The following SARNP variants were observed in gnomAD, a reference collection of about 807,000 sequenced individuals.
The protein encoded by SARNP is SAP domain containing ribonucleoprotein.
Under a neutral mutation model 38.1 loss-of-function variants are expected in SARNP, and 5 were observed. The observed-to-expected ratio is 0.13, with a 90% CI of 0.07 to 0.28. The LOEUF (loss-of-function observed/expected upper bound fraction) is 0.28. Among genes scored for constraint, SARNP ranks in the 10% least tolerant of loss-of-function variants. The pLI is 1.00. For missense variants in SARNP, 180 were observed against 243.9 expected (o/e 0.74, Z 1.75); for synonymous variants, 84 against 80.6 (o/e 1.04, Z -0.23).
At chr12:55,775,987 C>T (rs1057384844) in intron 9 of SARNP, among the ~76,000 whole-genome samples, 1 of 152,110 alleles carries the variant, frequency 6.6e-6, no homozygotes, top group Non-Finnish European at 1.5e-5. Flanking sequence ...TAATCACATA[C>T]ACATATACCA....
intron 9 of SARNP, among the ~76,000 whole-genome samples, chr12:55,773,928 G>A (rs892037828): frequency 2.6e-5 from 4 of 151,990 alleles, no homozygotes; most frequent in Admixed American, 6.6e-5. Context: ...GGCTGGTCCC[G>A]AACTCCTGAC....
intron 1 of SARNP, 66 bp downstream of exon 1, chr12:55,817,600 G>C (rs1880535997): frequency 6.8e-7 from 1 of 1,478,266 alleles, no homozygotes; most frequent in African/African-American, 1.4e-5. Context: ...AGGAGAAGGC[G>C]CAAGCTACCC....
At chr12:55,773,201 A>G (rs915770955) in intron 9 of SARNP, among the ~76,000 whole-genome samples, 1 of 152,230 alleles carries the variant, frequency 6.6e-6, no homozygotes, top group African/African-American at 2.4e-5. Context: ...GTATCTCAAA[A>G]GGGAAGGCCT....
intron 1 of SARNP, among the ~76,000 whole-genome samples, chr12:55,815,258 C>A (rs1880448036): frequency 6.6e-6 from 1 of 152,090 alleles, no homozygotes; most frequent in Non-Finnish European, 1.5e-5. Flanking sequence ...CAGGGTCTCA[C>A]TATGTTACCT....
chr12:55,787,412 C>T (rs904031877), intron 9 of SARNP, among the ~76,000 whole-genome samples: 8 of 152,010 alleles, frequency 5.3e-5, no homozygotes, highest in African/African-American at 1.7e-4. Flanking sequence ...GAGAGCTAAA[C>T]GCTTTCATGC....
intron 7 of SARNP, chr12:55,793,802 C>A (rs1318486151): frequency 1.3e-5 from 2 of 152,374 alleles, no homozygotes; most frequent in Non-Finnish European, 2.9e-5. Flanking sequence ...TGATAAATAT[C>A]TTTCAATATT....
intron 4 of SARNP, among the ~76,000 whole-genome samples, chr12:55,798,879 T>C (rs1297834464): frequency 6.6e-6 from 1 of 152,212 alleles, no homozygotes; most frequent in African/African-American, 2.4e-5. Flanking sequence ...CCTAGGATAA[T>C]TATCCTGACT....
At chr12:55,780,369 G>C (rs1193626026) in intron 9 of SARNP, among the ~76,000 whole-genome samples, 1 of 151,728 alleles carries the variant, frequency 6.6e-6, no homozygotes, top group East Asian at 1.9e-4. Flanking sequence ...CAGGAGAATT[G>C]CTTGAACCTG....
At chr12:55,794,507 G>T in intron 6 of SARNP, 120 bp from the exon 7 acceptor site, 1 of 891,344 alleles carries the variant, frequency 1.1e-6, no homozygotes, top group Non-Finnish European at 1.8e-6. Context: ...GCAATCATTA[G>T]CTAATTCTAA....
intron 9 of SARNP, among the ~76,000 whole-genome samples, chr12:55,769,019 A>G (rs1161553448): frequency 6.6e-6 from 1 of 152,150 alleles, no homozygotes; most frequent in Admixed American, 6.5e-5. Context: ...GCCAGGCCAA[A>G]CTATCTTCTC....
At chr12:55,794,429 C>T (rs1029694912) in intron 6 of SARNP, 42 bp from the exon 7 acceptor site, 11 of 1,582,764 alleles carry the variant, frequency 6.9e-6, no homozygotes, top group Non-Finnish European at 9.5e-6. Context: ...AAGCTGTTCA[C>T]ACTCCTGGTT....
At chr12:55,757,857 C>T (rs1318306518) in intron 10 of SARNP, among the ~76,000 whole-genome samples, 1 of 152,176 alleles carries the variant, frequency 6.6e-6, no homozygotes, top group Admixed American at 6.5e-5. Context: ...GAGAGCCACT[C>T]AGCCTGAGAT....
At chr12:55,799,894 C>T (rs1879929140) in intron 4 of SARNP, among the ~76,000 whole-genome samples, 1 of 150,636 alleles carries the variant, frequency 6.6e-6, no homozygotes, top group South Asian at 2.1e-4. Flanking sequence ...CTCTTATGAA[C>T]AGTTAACAGA....
chr12:55,787,404 G>A (rs1248077042), intron 9 of SARNP, among the ~76,000 whole-genome samples: 1 of 152,120 alleles, frequency 6.6e-6, no homozygotes, highest in African/African-American at 2.4e-5. Context: ...GCTTTCTAGA[G>A]AGCTAAACGC....
chr12:55,780,528 G>C (rs1879313998), intron 9 of SARNP, among the ~76,000 whole-genome samples: 1 of 151,942 alleles, frequency 6.6e-6, no homozygotes, highest in Non-Finnish European at 1.5e-5. Context: ...AGATTAGCTG[G>C]GCATAGTGGC....
rs1880538678 is a variant in SARNP at position 55,817,646 on chromosome 12, C to A, written c.36+20G>T. 6.2e-7 allele frequency: 1 copy of A among 1,610,176 alleles called. No individual in the cohort carries two copies. Among genetic ancestry groups the A allele is most frequent in the South Asian group, 1.1e-5 (1 of 90,582 alleles). Reference sequence around the variant, plus strand: ...AGTTCCTAGAAAAGTCCAACTCAGCCCTTCCCCGATTCACGGTACCTTTAG... The same window carrying A: ...AGTTCCTAGAAAAGTCCAACTCAGCACTTCCCCGATTCACGGTACCTTTAG... On this transcript the variant is annotated intron_variant, in intron 1 of 10. Transcript: ENST00000336133.
At chr12:55,805,939 A>G (rs1880125998) in intron 1 of SARNP, among the ~76,000 whole-genome samples, 1 of 152,082 alleles carries the variant, frequency 6.6e-6, no homozygotes, top group South Asian at 2.1e-4. Flanking sequence ...GAGGAGGCTG[A>G]GGCAGGAGAA....
chr12:55,764,475 G>A (rs140082574), intron 9 of SARNP, among the ~76,000 whole-genome samples: 1 of 148,832 alleles, frequency 6.7e-6, no homozygotes, highest in Admixed American at 6.8e-5. Flanking sequence ...AGGTTGCGGT[G>A]AGCCGAGATC....
intron 9 of SARNP, chr12:55,762,064 G>C (rs1026743657): frequency 6.6e-6 from 1 of 152,234 alleles, no homozygotes. Context: ...AAGGCAAGCA[G>C]ATCACTTGAG....
Sources: allele counts gnomAD v4.1 joint callset (sites outside exome capture counted in the v4.1 genomes callset), GRCh38; gene constraint gnomAD v4.1.1; transcripts MANE v1.5; gene names NCBI Gene and HGNC (gene_info 2026-07-23, HGNC 2026-07-21).